Variants in FRMPD3 observed in about 807,000 individuals in gnomAD.
FRMPD3 encodes FERM and PDZ domain containing 3.
Under a neutral mutation model 97.9 loss-of-function variants are expected in FRMPD3, and 42 were observed. The ratio of observed to expected loss-of-function variants is 0.43; its 90% confidence interval spans 0.34 to 0.55. The LOEUF (loss-of-function observed/expected upper bound fraction) is 0.55. Ranked by LOEUF, FRMPD3 falls within the 20% of genes least tolerant of loss-of-function variation. FRMPD3 has a pLI of 0.03. For missense variants in FRMPD3, 1,303 were observed against 1,457.7 expected (o/e 0.89, Z 1.73); for synonymous variants, 577 against 581.1 (o/e 0.99, Z 0.10).
At chrX:107,505,532 C>T (rs1027330170) in intron 1 of FRMPD3, among the ~76,000 whole-genome samples, 1 of 112,184 alleles carries the variant, frequency 8.9e-6, no homozygotes, top group Non-Finnish European at 1.9e-5. Flanking sequence ...TACACTCTAG[C>T]CTGGACAATA....
chrX:107,601,256 G>A lies in FRMPD3; in HGVS notation c.3217G>A (p.Val1073Met). The A allele has an allele frequency of 8.3e-7, 1 of 1,210,177 alleles. No individual in the cohort carries two copies. The highest frequency in any genetic ancestry group is 1.7e-5 in the African/African-American group (1 of 57,902). ...SYLLRTSRESVGKQATGEVAG... is the reference protein window; with the variant it reads ...SYLLRTSRESMGKQATGEVAG... ...TCTTTTGCGAACAAGCCGAGAGTCA[G>A]TGGGCAAGCAAGCTACAGGGGAGGT... Residue 1073 changes from valine (V) to methionine (M), a missense_variant, in exon 15 of 15, where the codon GTG becomes ATG. Physicochemically the swap from Val to Met is conservative, Grantham distance 21. Coordinates refer to ENST00000683843, the MANE Select transcript of FRMPD3 (RefSeq NM_001388459.1).
In FRMPD3 at chrX:107,470,673, G is replaced by C. The variant is rs1921034423; in HGVS notation, c.-8+20668G>C. 3.6e-5 allele frequency among the ~76,000 whole-genome samples: 4 copies of C among 112,487 alleles called. No homozygotes were observed. The South Asian group carries it at 1.5e-3, about 42-fold the overall frequency. On this transcript the variant is annotated intron_variant, in intron 1 of 14. Transcript: ENST00000683843. ...CAGGGGAGGGGATACACAAGGGTGT[G>C]AACATCAGGAGGTGGGGATTATTTG... is the stretch of plus-strand genomic sequence containing the variant.
At position 107,466,905 on chromosome X, in the gene FRMPD3, A is replaced by T. The variant is rs764238238; in HGVS notation, c.-8+16900A>T. Among the ~76,000 whole-genome samples, 4 of 111,206 alleles carry T rather than the reference A, an allele frequency of 3.6e-5. No homozygotes were observed. The South Asian group carries it at 1.6e-3, about 43-fold the overall frequency. ...TCTAACACCTCCCCTCACTGACCAC[A>T]TTCACAGTCCATAGCATTCTGGGAA... On this transcript the variant is annotated intron_variant, in intron 1 of 14. Transcript: ENST00000683843.
At chrX:107,469,962 G>A (rs778184088) in intron 1 of FRMPD3, among the ~76,000 whole-genome samples, 4 of 111,852 alleles carry the variant, frequency 3.6e-5, no homozygotes, top group South Asian at 3.8e-4. Context: ...GCAAAGTAAC[G>A]GTGGACACTC....
At position 107,533,644 on chromosome X, in the gene FRMPD3, A is replaced by G. The variant is rs368040307; in HGVS notation, c.297+94A>G. 1.2e-4 allele frequency: 94 copies of G among 788,845 alleles called. 1 individual carries two copies. The East Asian group carries it at 2.8e-3, about 23-fold the overall frequency. 65.0% of individuals were successfully genotyped at this position (788,845 alleles called of 1,213,427 possible). On this transcript the variant is annotated intron_variant, in intron 4 of 14. Coordinates refer to ENST00000683843, the MANE Select transcript of FRMPD3 (RefSeq NM_001388459.1). Reference sequence around the variant, plus strand: ...GCAACAGTGATGGGGTTGGGGGTTCAGAGACTACAACCAACATATGAGCCA... The same window carrying G: ...GCAACAGTGATGGGGTTGGGGGTTCGGAGACTACAACCAACATATGAGCCA...
intron 1 of FRMPD3, among the ~76,000 whole-genome samples, chrX:107,499,683 T>G (rs1241313090): frequency 8.9e-6 from 1 of 112,589 alleles, no homozygotes; most frequent in Admixed American, 9.4e-5. Flanking sequence ...ATTCTAAATA[T>G]ACATGTATGT....
At chrX:107,492,642 T>C (rs932006024) in intron 1 of FRMPD3, among the ~76,000 whole-genome samples, 3 of 112,039 alleles carry the variant, frequency 2.7e-5, no homozygotes, top group African/African-American at 9.7e-5. Flanking sequence ...TTGCTAAAAA[T>C]GCAGAATCTC....
At chrX:107,591,603 CTT>C (rs1923906888) in intron 13 of FRMPD3, among the ~76,000 whole-genome samples, 1 of 111,908 alleles carries the variant, frequency 8.9e-6, no homozygotes, top group African/African-American at 3.2e-5. Flanking sequence ...TAATTTGAGT[CTT>C]CTCTCTTTTT....
chrX:107,604,359 A>T lies in FRMPD3; in HGVS notation c.*986A>T, dbSNP rs960780492. The T allele has an allele frequency of 9.3e-6, 1 of 107,087 alleles. No individual in the cohort carries two copies. The highest frequency in any genetic ancestry group is 3.4e-5 in the African/African-American group (1 of 29,272). 8.8% of individuals were successfully genotyped at this position (107,087 alleles called of 1,213,427 possible). A position where few individuals can be genotyped will look rare whatever the true frequency, so the allele number is the denominator to read the frequency against. ...TCTTAAACTTCTGGAAGCTAGCGTG[A>T]TATGTTAATCCTGAGTATATGCTTT... On this transcript the variant is annotated 3_prime_UTR_variant, in exon 15 of 15. Transcript: ENST00000683843.
chrX:107,563,487 G>A (rs901216787), intron 11 of FRMPD3, among the ~76,000 whole-genome samples: 2 of 112,238 alleles, frequency 1.8e-5, no homozygotes, highest in African/African-American at 6.5e-5. Context: ...TTTTGCAGGC[G>A]GGCCATACTG....
intron 1 of FRMPD3, among the ~76,000 whole-genome samples, chrX:107,508,997 A>G (rs1232031705): frequency 2.7e-5 from 3 of 112,060 alleles, no homozygotes; most frequent in Non-Finnish European, 5.6e-5. Flanking sequence ...GGGCAAAGCC[A>G]TCTTCCTACC....
intron 1 of FRMPD3, among the ~76,000 whole-genome samples, chrX:107,469,460 A>G (rs1363808876): frequency 8.9e-6 from 1 of 112,282 alleles, no homozygotes; most frequent in Non-Finnish European, 1.9e-5. Context: ...CTCCCACAAC[A>G]TGTGGGAATT....
At chrX:107,565,186 T>G in intron 12 of FRMPD3, 120 bp downstream of exon 12, 1 of 713,689 alleles carries the variant, frequency 1.4e-6, no homozygotes, top group East Asian at 3.7e-5. Flanking sequence ...TCTGAAGTGG[T>G]TCAACCCTGG....
At chrX:107,545,458 A>G (rs943463864) in intron 4 of FRMPD3, 12 of 215,898 alleles carry the variant, frequency 5.6e-5, no homozygotes, top group African/African-American at 3.2e-4. Flanking sequence ...GTATGTTATT[A>G]CTAAAGAACT....
At chrX:107,548,618 C>A (rs996933621) in intron 5 of FRMPD3, among the ~76,000 whole-genome samples, 3 of 112,720 alleles carry the variant, frequency 2.7e-5, no homozygotes. Flanking sequence ...TTGTGAAAGA[C>A]AAATATCCTT....
intron 13 of FRMPD3, among the ~76,000 whole-genome samples, chrX:107,576,761 T>A (rs1374751402): frequency 2.7e-5 from 3 of 112,243 alleles, no homozygotes; most frequent in Non-Finnish European, 5.6e-5. Flanking sequence ...GCATTGGATC[T>A]AAGGCAAACT....
chrX:107,587,268 C>T (rs1034601613), intron 13 of FRMPD3, among the ~76,000 whole-genome samples: 3 of 111,210 alleles, frequency 2.7e-5, no homozygotes, highest in African/African-American at 9.8e-5. Flanking sequence ...ACTAGGATTA[C>T]TACTCCTGCT....
intron 12 of FRMPD3, among the ~76,000 whole-genome samples, chrX:107,573,577 A>G (rs929629978): frequency 1.6e-4 from 18 of 112,018 alleles, no homozygotes; most frequent in Non-Finnish European, 3.0e-4. Flanking sequence ...CTAAAAAGTA[A>G]TACCTGTCTC....
intron 1 of FRMPD3, among the ~76,000 whole-genome samples, chrX:107,466,790 A>G (rs1931572629): frequency 8.9e-6 from 1 of 111,968 alleles, no homozygotes; most frequent in Non-Finnish European, 1.9e-5. Flanking sequence ...AAGGGGTACC[A>G]TAGATTCCTC....
Sources: gnomAD v4.1 joint callset for allele counts (sites outside exome capture counted in the v4.1 genomes callset) on GRCh38, gnomAD v4.1.1 for gene constraint, MANE v1.5 for transcripts, NCBI Gene and HGNC (gene_info 2026-07-23, HGNC 2026-07-21) for gene names.